XKR6: variants seen among roughly 807,000 people sequenced by gnomAD.
XKR6 encodes the protein XK-related protein 6.
Under a neutral mutation model 56.7 loss-of-function variants are expected in XKR6, and 22 were observed. That is an observed-to-expected ratio of 0.39 (90% CI 0.28 to 0.55). The LOEUF is 0.55. Ranked by LOEUF, XKR6 falls within the 20% of genes least tolerant of loss-of-function variation. The pLI, the probability that XKR6 is intolerant of heterozygous loss-of-function variation, is 0.66. For synonymous variants in XKR6, 524 were observed against 387.8 expected, an observed-to-expected ratio of 1.35 and a Z score of -4.13; for missense variants, 852 against 889.0, an observed-to-expected ratio of 0.96 and a Z score of 0.53.
chr8:11,188,571 T>C (rs1374230759), intron 1 of XKR6, among the ~76,000 whole-genome samples: 1 of 152,180 alleles, frequency 6.6e-6, no homozygotes, highest in African/African-American at 2.4e-5. Flanking sequence ...ACAGAATTCC[T>C]TTTTGGAAGA....
chr8:10,925,882 C>A (rs1384013292), intron 1 of XKR6, among the ~76,000 whole-genome samples: 3 of 152,144 alleles, frequency 2.0e-5, no homozygotes, highest in Non-Finnish European at 2.9e-5. Context: ...CCAAACTCAG[C>A]CAACAGGCTC....
intron 1 of XKR6, among the ~76,000 whole-genome samples, chr8:11,165,347 C>G (rs1476345975): frequency 6.6e-6 from 1 of 152,154 alleles, no homozygotes; most frequent in African/African-American, 2.4e-5. Context: ...ATCTGCCCAC[C>G]TCGGCTTCCC....
intron 2 of XKR6, among the ~76,000 whole-genome samples, chr8:10,922,687 C>G (rs924451449): frequency 2.6e-5 from 4 of 152,332 alleles, no homozygotes; most frequent in South Asian, 2.1e-4. Context: ...GCCAATCACA[C>G]CAGTTCGTTG....
At chr8:11,137,488 G>C (rs980117249) in intron 1 of XKR6, 7 of 446,030 alleles carry the variant, frequency 1.6e-5, no homozygotes, top group Non-Finnish European at 2.7e-5. Context: ...TCTGAGAATA[G>C]AATCTCTGCT....
chr8:11,007,821 CTCT>C (rs1361332612), intron 1 of XKR6, among the ~76,000 whole-genome samples: 4 of 152,092 alleles, frequency 2.6e-5, no homozygotes, highest in Non-Finnish European at 4.4e-5. Context: ...CCCTTCTCCT[CTCT>C]GGGCTTGTAT....
At chr8:10,976,067 T>C (rs1004220816) in intron 1 of XKR6, among the ~76,000 whole-genome samples, 2 of 151,836 alleles carry the variant, frequency 1.3e-5, no homozygotes, top group African/African-American at 2.4e-5. Context: ...TCCCAGCTAC[T>C]TGGGAGGCTG....
At chr8:10,946,787 G>A (rs552145999) in intron 1 of XKR6, among the ~76,000 whole-genome samples, 18 of 152,298 alleles carry the variant, frequency 1.2e-4, no homozygotes, top group Non-Finnish European at 2.4e-4. Flanking sequence ...CGCCTCAGGA[G>A]CTGGCAACCA....
chr8:11,185,659 A>G (rs758807241), intron 1 of XKR6, among the ~76,000 whole-genome samples: 11 of 152,226 alleles, frequency 7.2e-5, no homozygotes, highest in East Asian at 1.9e-4. Flanking sequence ...AGAGTACATT[A>G]GCTGTGCTCA....
intron 1 of XKR6, among the ~76,000 whole-genome samples, chr8:11,195,874 G>C (rs571863322): frequency 6.7e-6 from 1 of 149,472 alleles, no homozygotes; most frequent in Non-Finnish European, 1.5e-5. Context: ...GGATGGTCGC[G>C]ATCTCCTGAC....
chr8:10,973,340 G>C (rs1343945735), intron 1 of XKR6, among the ~76,000 whole-genome samples: 3 of 152,182 alleles, frequency 2.0e-5, no homozygotes, highest in Non-Finnish European at 1.5e-5. Context: ...AACCTGCAAG[G>C]GGTTCCCCTA....
chr8:11,054,125 A>G (rs959933989), intron 1 of XKR6, among the ~76,000 whole-genome samples: 3 of 152,208 alleles, frequency 2.0e-5, no homozygotes, highest in African/African-American at 4.8e-5. Context: ...ATGCACTGTC[A>G]TGGTTGCTGG....
chr8:10,975,285 C>A lies in XKR6; in HGVS notation c.765-50455G>T, dbSNP rs549144487. On this transcript the variant is annotated intron_variant, in intron 1 of 2. Coordinates refer to ENST00000416569, the MANE Select transcript of XKR6 (RefSeq NM_173683.4). ...CCCAGGCTGCTCCCCCATCACCCAGCCTTCAGGAGGCTTCGAGCGACTTCT... is the reference window on the plus strand; with the variant it reads ...CCCAGGCTGCTCCCCCATCACCCAGACTTCAGGAGGCTTCGAGCGACTTCT... Among the ~76,000 whole-genome samples the A allele has an allele frequency of 2.0e-5, 3 of 152,336 alleles. No individual in the cohort carries two copies. The South Asian group carries it at 6.2e-4, about 32-fold the overall frequency.
chr8:11,173,728 G>T (rs1802504382), intron 1 of XKR6, among the ~76,000 whole-genome samples: 1 of 152,078 alleles, frequency 6.6e-6, no homozygotes, highest in Admixed American at 6.6e-5. Flanking sequence ...TTGGCCAGTG[G>T]TCCTGTTTAA....
chr8:11,037,519 C>T (rs1799175982), intron 1 of XKR6, among the ~76,000 whole-genome samples: 1 of 152,204 alleles, frequency 6.6e-6, no homozygotes, highest in Non-Finnish European at 1.5e-5. Flanking sequence ...GCCACTGCAC[C>T]CAGCCTCAAT....
At chr8:10,934,884 G>A (rs1801167499) in intron 1 of XKR6, among the ~76,000 whole-genome samples, 1 of 135,686 alleles carries the variant, frequency 7.4e-6, no homozygotes, top group East Asian at 1.9e-4. Flanking sequence ...TCTCTGCCCG[G>A]CTTTGGTATC....
intron 1 of XKR6, among the ~76,000 whole-genome samples, chr8:11,164,054 A>G (rs956143255): frequency 2.6e-5 from 4 of 152,198 alleles, no homozygotes; most frequent in Non-Finnish European, 5.9e-5. Context: ...TTTCAAGTGT[A>G]CAATCCCCCT....
intron 1 of XKR6, among the ~76,000 whole-genome samples, chr8:11,177,280 C>CA (rs751071637): frequency 5.3e-5 from 8 of 152,146 alleles, no homozygotes; most frequent in Non-Finnish European, 1.2e-4. Flanking sequence ...TTATGACCTG[C>CA]ATTACAGTAT....
rs145032824 is a variant in XKR6 at position 11,076,929 on chromosome 8, C to T, written c.764+123647G>A. ...CGGTGGCTCATGCGTGTAATCCCAG[C>T]ACTTTGGAGGCTGAGGCATGAGGAT... On this transcript the variant is annotated intron_variant, in intron 1 of 2. Transcript: ENST00000416569. Among the ~76,000 whole-genome samples the T allele has an allele frequency of 1.5e-4, 23 of 152,284 alleles. No individual in the cohort carries two copies. In the East Asian group the frequency reaches 4.3e-3, roughly 28 times the overall value.
At chr8:11,062,197 G>A (rs1006322975) in intron 1 of XKR6, among the ~76,000 whole-genome samples, 11 of 152,128 alleles carry the variant, frequency 7.2e-5, no homozygotes, top group Non-Finnish European at 1.0e-4. Context: ...GGGCTAGTCC[G>A]TGCCCAGGCG....
Sources: allele counts gnomAD v4.1 joint callset (sites outside exome capture counted in the v4.1 genomes callset), GRCh38; gene constraint gnomAD v4.1.1; transcripts MANE v1.5; gene names NCBI Gene and HGNC (gene_info 2026-07-23, HGNC 2026-07-21).